Variants in TSPAN7 observed in about 807,000 individuals in gnomAD.
TSPAN7 encodes the protein tetraspanin-7.
A neutral mutation model predicts 17.6 loss-of-function variants in TSPAN7; 1 was observed. The ratio of observed to expected loss-of-function variants is 0.06; its 90% CI spans 0.02 to 0.27. The LOEUF is 0.27. Ranked by LOEUF, TSPAN7 falls within the 10% of genes least tolerant of loss-of-function variation. TSPAN7 has a pLI of 1.00. For synonymous variants in TSPAN7, 78 were observed against 79.0 expected (o/e 0.99, Z 0.07); for missense variants, 112 against 201.7 (o/e 0.56, Z 2.69).
chrX:38,606,403 C>T (rs943834598), intron 1 of TSPAN7, among the ~76,000 whole-genome samples: 2 of 111,489 alleles, frequency 1.8e-5, no homozygotes, highest in African/African-American at 6.5e-5. Context: ...CAGGACCTAG[C>T]CCAACTTGGG....
intron 1 of TSPAN7, among the ~76,000 whole-genome samples, chrX:38,629,500 C>G (rs2069538683): frequency 1.8e-5 from 2 of 112,027 alleles, no homozygotes; most frequent in African/African-American, 6.5e-5. Context: ...TTTAGAATAG[C>G]AAAGCTAAGC....
Position 38,673,745 on chromosome X carries a change from T to C in TSPAN7, c.346-476T>C, listed in dbSNP as rs376597586. On this transcript the variant is annotated intron_variant, in intron 3 of 7. Coordinates refer to ENST00000378482, the MANE Select transcript of TSPAN7 (RefSeq NM_004615.4). Reference sequence around the variant, plus strand: ...CTCAATAAAGACAGGTAAGTGAAAGTTGGTTTTGCCTCACTCCTATGGTAA... The same window carrying C: ...CTCAATAAAGACAGGTAAGTGAAAGCTGGTTTTGCCTCACTCCTATGGTAA... 6.2e-4 allele frequency among the ~76,000 whole-genome samples: 69 copies of C among 110,647 alleles called. 2 individuals carry two copies. In the South Asian group the frequency reaches 0.025, roughly 40 times the overall value.
intron 1 of TSPAN7, among the ~76,000 whole-genome samples, chrX:38,569,441 A>C (rs1422699130): frequency 1.0e-5 from 1 of 97,101 alleles, no homozygotes; most frequent in African/African-American, 3.8e-5. Flanking sequence ...CAAAGAATAA[A>C]TATCTGAACC....
At chrX:38,665,447 A>G (rs994144302) in intron 1 of TSPAN7, among the ~76,000 whole-genome samples, 1 of 111,536 alleles carries the variant, frequency 9.0e-6, no homozygotes, top group African/African-American at 3.3e-5. Flanking sequence ...CCCATAAAGT[A>G]AAGGCCTGAT....
chrX:38,601,607 G>A (rs943245957), intron 1 of TSPAN7, among the ~76,000 whole-genome samples: 1 of 111,905 alleles, frequency 8.9e-6, no homozygotes, highest in African/African-American at 3.2e-5. Flanking sequence ...GTTTTTGTGT[G>A]TGTTTTGAAA....
chrX:38,622,933 G>T (rs1324486968), intron 1 of TSPAN7: 2 of 330,131 alleles, frequency 6.1e-6, no homozygotes, highest in Admixed American at 6.2e-5. Flanking sequence ...AAGAAGCTGG[G>T]TTTCTCCTCA....
At chrX:38,613,822 G>A (rs187615034) in intron 1 of TSPAN7, among the ~76,000 whole-genome samples, 16 of 111,007 alleles carry the variant, frequency 1.4e-4, no homozygotes, top group Admixed American at 1.3e-3. Context: ...TGGGGAAAGT[G>A]CAGTCCCTCT....
At chrX:38,562,082 C>T (rs2069114613) in intron 1 of TSPAN7, among the ~76,000 whole-genome samples, 1 of 111,256 alleles carries the variant, frequency 9.0e-6, no homozygotes, top group South Asian at 3.8e-4. Context: ...GGGGTTTAAT[C>T]TCAGATTCCC....
chrX:38,649,625 G>T (rs2069665299), intron 1 of TSPAN7, among the ~76,000 whole-genome samples: 1 of 111,291 alleles, frequency 9.0e-6, no homozygotes, highest in African/African-American at 3.3e-5. Context: ...GGCTGCTTGT[G>T]GCTACCCGAG....
At chrX:38,620,531 G>A (rs1273186386) in intron 1 of TSPAN7, among the ~76,000 whole-genome samples, 1 of 111,374 alleles carries the variant, frequency 9.0e-6, no homozygotes, top group East Asian at 2.8e-4. Context: ...ACTTGTTACT[G>A]CAGACCTACA....
At chrX:38,563,838 C>A (rs1035508142) in intron 1 of TSPAN7, among the ~76,000 whole-genome samples, 15 of 111,658 alleles carry the variant, frequency 1.3e-4, no homozygotes, top group African/African-American at 4.9e-4. Flanking sequence ...TTCATACTTA[C>A]AACCAAAAGA....
At position 38,631,852 on chromosome X, in the gene TSPAN7, G is replaced by A. The variant is rs1464258561; in HGVS notation, c.82-34269G>A. ...AGGGATGTGGATTAAAGAAACAGCAGTTGCTTCTTGCTATATGATCCATTG... is the reference window on the plus strand; with the variant it reads ...AGGGATGTGGATTAAAGAAACAGCAATTGCTTCTTGCTATATGATCCATTG... On this transcript the variant is annotated intron_variant, in intron 1 of 7. Coordinates refer to ENST00000378482, the MANE Select transcript of TSPAN7 (RefSeq NM_004615.4). Among the ~76,000 whole-genome samples the A allele has an allele frequency of 3.6e-5, 4 of 111,954 alleles. No homozygotes were observed. In the East Asian group the frequency reaches 1.1e-3, roughly 31 times the overall value.
At chrX:38,685,795 A>C (rs748818123) in intron 6 of TSPAN7, among the ~76,000 whole-genome samples, 34 of 112,333 alleles carry the variant, frequency 3.0e-4, no homozygotes, top group African/African-American at 9.0e-4. Context: ...GAGGATGTGC[A>C]TGGGTTATAT....
At chrX:38,634,887 T>TGCG (rs2069571030) in intron 1 of TSPAN7, among the ~76,000 whole-genome samples, 1 of 110,284 alleles carries the variant, frequency 9.1e-6, no homozygotes, top group South Asian at 3.9e-4. Context: ...GCCGCTCATG[T>TGCG]GCATAACCTG....
At chrX:38,663,162 C>T (rs1034936525) in intron 1 of TSPAN7, among the ~76,000 whole-genome samples, 7 of 107,082 alleles carry the variant, frequency 6.5e-5, no homozygotes, top group East Asian at 5.7e-4. Context: ...TACACACACA[C>T]ACACACACAC....
intron 1 of TSPAN7, among the ~76,000 whole-genome samples, chrX:38,635,055 G>T (rs1380412360): frequency 9.0e-6 from 1 of 110,974 alleles, no homozygotes; most frequent in South Asian, 3.9e-4. Flanking sequence ...ACTCCATGGT[G>T]ATCTTCCAGG....
chrX:38,617,700 CA>C (rs2069463557), intron 1 of TSPAN7, among the ~76,000 whole-genome samples: 1 of 112,212 alleles, frequency 8.9e-6, no homozygotes, highest in African/African-American at 3.2e-5. Context: ...ACACTTTGAG[CA>C]ACACTGGTTC....
intron 1 of TSPAN7, among the ~76,000 whole-genome samples, chrX:38,576,767 T>C (rs7887127): frequency 0.13 from 14,095 of 111,041 alleles, 1,843 homozygotes; most frequent in African/African-American, 0.4. Context: ...GGAATAAGTT[T>C]AGCTGTAATA....
chrX:38,567,180 G>A (rs1426553385), intron 1 of TSPAN7, among the ~76,000 whole-genome samples: 3 of 111,800 alleles, frequency 2.7e-5, no homozygotes, highest in Non-Finnish European at 5.6e-5. Context: ...TTTAAAGAGT[G>A]TTTGAATTTG....
Sources: allele counts gnomAD v4.1 joint callset (sites outside exome capture counted in the v4.1 genomes callset), GRCh38; gene constraint gnomAD v4.1.1; transcripts MANE v1.5; gene names NCBI Gene and HGNC (gene_info 2026-07-23, HGNC 2026-07-21).